XPA: variants seen among roughly 807,000 people sequenced by gnomAD.
The protein encoded by XPA is DNA repair protein complementing XP-A cells.
Under a neutral mutation model 35.7 loss-of-function variants are expected in XPA, and 27 were observed. That is an observed-to-expected ratio of 0.76 (90% confidence interval 0.56 to 1.04). The LOEUF is 1.04. Among genes scored for constraint, XPA ranks in the 50% least tolerant of loss-of-function variants. XPA has a pLI of 0.00. For missense variants in XPA, 354 were observed against 342.7 expected (o/e 1.03, Z -0.26); for synonymous variants, 133 against 118.4 (o/e 1.12, Z -0.80).
chr9:97,656,571 G>A, the XPA span, among the ~76,000 whole-genome samples: 5 of 152,126 alleles, frequency 3.3e-5, no homozygotes, highest in East Asian at 9.7e-4. Context: ...AAATAAAAAA[G>A]GTGTTATATA....
Position 97,697,288 on chromosome 9 carries a change from G to A in XPA, c.5C>T (p.Ala2Val), listed in dbSNP as rs760890900. M[A>V]AADGALPEAA... ...CTCCGGCAAAGCCCCGTCGGCCGCC[G>A]CCATCTCTGGCCCACTCCGAGGACC... Residue 2 changes from alanine to valine, a missense_variant, in exon 1 of 6, where the codon GCG becomes GTG. Physicochemically the swap from Ala to Val is moderately conservative, Grantham distance 64 (BLOSUM62 0). Coordinates refer to ENST00000375128, the MANE Select transcript of XPA (RefSeq NM_000380.4). 1.3e-6 allele frequency: 2 copies of A among 1,598,138 alleles called. No individual in the cohort carries two copies. Among genetic ancestry groups the A allele is most frequent in the South Asian group, 1.1e-5 (1 of 91,006 alleles).
downstream of XPA, among the ~76,000 whole-genome samples, chr9:97,670,824 C>T (rs1404001731): frequency 1.3e-5 from 2 of 152,144 alleles, no homozygotes; most frequent in African/African-American, 4.8e-5. Context: ...GCTGCCACTG[C>T]CTTGAATCAT....
chr9:97,670,208 G>C (rs1828146694), downstream of XPA: 1 of 196,948 alleles, frequency 5.1e-6, no homozygotes, highest in Non-Finnish European at 1.1e-5. Flanking sequence ...GTGAGCCACG[G>C]TGCCCAGTCT....
chr9:97,668,781 C>A, the XPA span: 1 of 1,539,382 alleles, frequency 6.5e-7, no homozygotes, highest in East Asian at 2.3e-5. Flanking sequence ...AATGCTTCCC[C>A]TGGAGGAGAT....
chr9:97,681,299 G>GA (rs1268969456), intron 5 of XPA, among the ~76,000 whole-genome samples: 2 of 151,792 alleles, frequency 1.3e-5, no homozygotes, highest in African/African-American at 4.8e-5. Flanking sequence ...TTAACAGGAG[G>GA]AAAAAAAATT....
chr9:97,654,614 T>C, the XPA span, among the ~76,000 whole-genome samples: 31 of 152,002 alleles, frequency 2.0e-4, no homozygotes, highest in African/African-American at 4.1e-4. Context: ...AAACAATGTA[T>C]GCCTGTGCGT....
chr9:97,684,761 C>A (rs898553012), intron 5 of XPA, among the ~76,000 whole-genome samples, 162 bp downstream of exon 5: 8 of 152,144 alleles, frequency 5.3e-5, no homozygotes, highest in African/African-American at 1.9e-4. Flanking sequence ...AGCTTAGTGC[C>A]TTGAAGACCA....
the XPA span, chr9:97,661,185 TCAGA>T: frequency 7.7e-7 from 1 of 1,292,400 alleles, no homozygotes. Flanking sequence ...TTTGACCTGT[TCAGA>T]CTGTTGTTCT....
At chr9:97,683,704 T>C (rs1209469206) in intron 5 of XPA, among the ~76,000 whole-genome samples, 1 of 146,834 alleles carries the variant, frequency 6.8e-6, no homozygotes, top group Non-Finnish European at 1.5e-5. Flanking sequence ...AATTCTCTTT[T>C]CTGCACTGTA....
chr9:97,662,139 T>G, the XPA span: 3 of 1,610,518 alleles, frequency 1.9e-6, no homozygotes, highest in African/African-American at 2.7e-5. Context: ...TCAGTGCTCT[T>G]GCAAAGTATG....
At chr9:97,655,031 A>G in the XPA span, 4 of 1,172,630 alleles carry the variant, frequency 3.4e-6, no homozygotes, top group Non-Finnish European at 4.7e-6. Context: ...CATTTTTAAG[A>G]ATTTCCATGT....
Position 97,689,577 on chromosome 9 carries a change from A to G in XPA, c.346T>C (p.Tyr116His). 6.2e-7 allele frequency: 1 copy of G among 1,613,234 alleles called. No individual in the cohort carries two copies. Among genetic ancestry groups the G allele is most frequent in the Non-Finnish European group, 8.5e-7 (1 of 1,179,388 alleles). Reference protein sequence around the residue: ...EECGKEFMDSYLMNHFDLPTC... With the variant: ...EECGKEFMDSHLMNHFDLPTC... ...GGCAAATCAAAGTGGTTCATAAGAT[A>G]AGAATCCATAAATTCTTTCCCACAT... is the stretch of plus-strand genomic sequence containing the variant. The change falls in exon 3 of 6, where the codon TAT becomes CAT. Residue 116 changes from tyrosine to histidine, a missense_variant. By Grantham distance (83) the Tyr-to-His change is moderately conservative. Transcript: ENST00000375128.
At chr9:97,686,989 G>T in intron 4 of XPA, 107 bp downstream of exon 4, 1 of 1,137,460 alleles carries the variant, frequency 8.8e-7, no homozygotes, top group South Asian at 1.5e-5. Flanking sequence ...CAAAACTAGG[G>T]AAAAGAGTTT....
At chr9:97,658,485 T>C in the XPA span, among the ~76,000 whole-genome samples, 1 of 152,238 alleles carries the variant, frequency 6.6e-6, no homozygotes, top group Non-Finnish European at 1.5e-5. Context: ...TGTGCTGGCT[T>C]AGACAAAAAC....
At chr9:97,694,469 CT>C (rs1351308260) in intron 1 of XPA, among the ~76,000 whole-genome samples, 1 of 152,208 alleles carries the variant, frequency 6.6e-6, no homozygotes, top group African/African-American at 2.4e-5. Flanking sequence ...TGAACAGGCA[CT>C]TCACAAATGA....
chr9:97,667,235 AAC>A, the XPA span, among the ~76,000 whole-genome samples: 1 of 152,158 alleles, frequency 6.6e-6, no homozygotes, highest in African/African-American at 2.4e-5. Flanking sequence ...ATAGATACTT[AAC>A]ACTTTCCCCG....
chr9:97,658,564 T>C, the XPA span: 1 of 1,117,264 alleles, frequency 9.0e-7, no homozygotes, highest in Admixed American at 1.8e-5. Flanking sequence ...AGATCATGAC[T>C]TTCCAGGTAA....
chr9:97,691,366 A>C (rs1239574890), intron 2 of XPA, among the ~76,000 whole-genome samples: 2 of 152,174 alleles, frequency 1.3e-5, no homozygotes, highest in Non-Finnish European at 2.9e-5. Flanking sequence ...CTAGCTAAGG[A>C]ACTTAATCCT....
At chr9:97,667,694 C>G in the XPA span, among the ~76,000 whole-genome samples, 86 of 152,318 alleles carry the variant, frequency 5.6e-4, no homozygotes, top group African/African-American at 2.0e-3. Flanking sequence ...CACACTGTTT[C>G]TAGAAGTGTG....
Sources: gnomAD v4.1 joint callset for allele counts (sites outside exome capture counted in the v4.1 genomes callset) on GRCh38, gnomAD v4.1.1 for gene constraint, MANE v1.5 for transcripts, NCBI Gene and HGNC (gene_info 2026-07-23, HGNC 2026-07-21) for gene names.